DIPK1A: variants seen among roughly 807,000 people sequenced by gnomAD.
The protein encoded by DIPK1A is divergent protein kinase domain 1A, also known as family with sequence similarity 69 member A.
In DIPK1A, 27 loss-of-function variants were observed where a neutral mutation model predicts 40.8. That is an observed-to-expected ratio of 0.66 (90% confidence interval 0.49 to 0.91). DIPK1A has a LOEUF of 0.91. Among genes scored for constraint, DIPK1A ranks in the 40% least tolerant of loss-of-function variants. DIPK1A has a pLI of 0.00. For missense variants in DIPK1A, 412 were observed against 505.7 expected (o/e 0.81, Z 1.78); for synonymous variants, 166 against 171.3 (o/e 0.97, Z 0.24).
chr1:92,853,000 C>T (rs911101878), intron 2 of DIPK1A, among the ~76,000 whole-genome samples: 1 of 152,100 alleles, frequency 6.6e-6, no homozygotes, highest in Non-Finnish European at 1.5e-5. Flanking sequence ...CAAGATCACA[C>T]GACTGTACTC....
chr1:92,959,823 C>T (rs936075508), intron 1 of DIPK1A, among the ~76,000 whole-genome samples: 4 of 150,378 alleles, frequency 2.7e-5, no homozygotes, highest in Non-Finnish European at 5.9e-5. Context: ...TCTCAGCTCA[C>T]TGCAATCTCC....
chr1:92,842,008 T>C, downstream of DIPK1A: 1 of 828,024 alleles, frequency 1.2e-6, no homozygotes, highest in Non-Finnish European at 1.8e-6. Context: ...TGACAGGTTT[T>C]TTTCTCCAAG....
chr1:92,924,674 T>C (rs1650417534), intron 1 of DIPK1A, among the ~76,000 whole-genome samples: 1 of 152,204 alleles, frequency 6.6e-6, no homozygotes, highest in South Asian at 2.1e-4. Flanking sequence ...GACTGCATTC[T>C]TCGAACAACA....
intron 1 of DIPK1A, among the ~76,000 whole-genome samples, chr1:92,927,683 C>CTA (rs1483403261): frequency 2.0e-5 from 3 of 152,138 alleles, no homozygotes; most frequent in African/African-American, 7.2e-5. Flanking sequence ...TCTGCTTATT[C>CTA]TAGACATTTT....
intron 4 of DIPK1A, chr1:92,834,038 A>G (rs1200276211): frequency 3.3e-6 from 1 of 302,652 alleles, no homozygotes; most frequent in Non-Finnish European, 6.3e-6. Context: ...TTGAGGCTGC[A>G]GTGAAGTGAG....
rs1306252181 is a variant in DIPK1A, at chr1:92,844,948, T to G, written c.475-753A>C. Reference sequence around the variant, plus strand: ...TCTATATATTAGTATTTCTTTTTTTTTTTTTTTTTTTTTTGAGACGGAGTC... The same window carrying G: ...TCTATATATTAGTATTTCTTTTTTTGTTTTTTTTTTTTTTGAGACGGAGTC... On this transcript the variant is annotated intron_variant, in intron 4 of 4. Coordinates refer to ENST00000370310, the MANE Select transcript of DIPK1A (RefSeq NM_001006605.5). 2.9e-5 allele frequency among the ~76,000 whole-genome samples: 4 copies of G among 137,248 alleles called. No homozygotes were observed. The East Asian group carries it at 8.3e-4, about 29-fold the overall frequency. 90.0% of individuals were successfully genotyped at this position (137,248 alleles called of 152,430 possible). A position where few individuals can be genotyped will look rare whatever the true frequency, so the allele number is the denominator to read the frequency against.
At chr1:92,841,716 C>T, downstream of DIPK1A, 1 of 1,165,436 alleles carries the variant, frequency 8.6e-7, no homozygotes, top group Non-Finnish European at 1.2e-6. Flanking sequence ...ATTAAATATT[C>T]TATTCTCTTC....
At chr1:92,837,973 A>G (rs1261073800), downstream of DIPK1A, among the ~76,000 whole-genome samples, 1 of 152,206 alleles carries the variant, frequency 6.6e-6, no homozygotes, top group Non-Finnish European at 1.5e-5. Context: ...TATGTGTGCT[A>G]TATTCTGGAC....
intron 1 of DIPK1A, among the ~76,000 whole-genome samples, chr1:92,923,958 T>C (rs1431160226): frequency 6.6e-6 from 1 of 152,210 alleles, no homozygotes; most frequent in Non-Finnish European, 1.5e-5. Context: ...TATTAGTCCA[T>C]GGAAAGTCTA....
chr1:92,875,064 C>G (rs1648054099), intron 2 of DIPK1A, among the ~76,000 whole-genome samples: 1 of 152,128 alleles, frequency 6.6e-6, no homozygotes, highest in Non-Finnish European at 1.5e-5. Context: ...GACTGTAACA[C>G]TCCTGTGGAA....
chr1:92,832,754 C>T, exon 5 of DIPK1A: 1 of 480,450 alleles, frequency 2.1e-6, no homozygotes. Flanking sequence ...GGGGTAGGGC[C>T]CCAAGGGTGG....
chr1:92,956,701 C>T (rs1441421922), intron 1 of DIPK1A, among the ~76,000 whole-genome samples: 2 of 152,138 alleles, frequency 1.3e-5, no homozygotes, highest in East Asian at 3.8e-4. Flanking sequence ...GGAACCAAAC[C>T]ATCCACAGCA....
At chr1:92,955,695 C>A (rs1447226456) in intron 1 of DIPK1A, among the ~76,000 whole-genome samples, 1 of 115,206 alleles carries the variant, frequency 8.7e-6, no homozygotes, top group African/African-American at 3.4e-5. Context: ...GAGACTCTGT[C>A]TCAAAAAAAA....
chr1:92,947,374 C>G (rs917077873), intron 1 of DIPK1A, among the ~76,000 whole-genome samples: 2 of 152,000 alleles, frequency 1.3e-5, no homozygotes, highest in African/African-American at 4.8e-5. Context: ...CAGGGAAATG[C>G]AAATCAAAAC....
At chr1:92,909,385 C>T (rs1224425053) in intron 1 of DIPK1A, among the ~76,000 whole-genome samples, 1 of 152,140 alleles carries the variant, frequency 6.6e-6, no homozygotes, top group Non-Finnish European at 1.5e-5. Context: ...CCAGAAAATA[C>T]ACACAATAAA....
intron 1 of DIPK1A, among the ~76,000 whole-genome samples, chr1:92,881,262 T>C (rs1648362408): frequency 6.6e-6 from 1 of 150,426 alleles, no homozygotes; most frequent in Admixed American, 6.6e-5. Flanking sequence ...ACAAAGTCCT[T>C]TTACTTTACC....
At chr1:92,921,016 A>C (rs1052318007) in intron 1 of DIPK1A, among the ~76,000 whole-genome samples, 5 of 152,174 alleles carry the variant, frequency 3.3e-5, no homozygotes. Flanking sequence ...AGAGTAGTCT[A>C]GAGAATTGTA....
chr1:92,853,075 T>C (rs1047391389), intron 2 of DIPK1A, among the ~76,000 whole-genome samples: 7 of 151,480 alleles, frequency 4.6e-5, no homozygotes, highest in African/African-American at 1.7e-4. Context: ...AACAAAAAAC[T>C]TTGGAGGACA....
At chr1:92,852,056 G>A (rs1304592334) in intron 2 of DIPK1A, among the ~76,000 whole-genome samples, 1 of 152,158 alleles carries the variant, frequency 6.6e-6, no homozygotes, top group East Asian at 1.9e-4. Context: ...TCAGTTCACT[G>A]CCCAGTTGCT....
Sources: allele counts gnomAD v4.1 joint callset (sites outside exome capture counted in the v4.1 genomes callset), GRCh38; gene constraint gnomAD v4.1.1; transcripts MANE v1.5; gene names NCBI Gene and HGNC (gene_info 2026-07-23, HGNC 2026-07-21).